AKT2: variants seen among roughly 807,000 people sequenced by gnomAD.
AKT2 encodes the protein RAC-beta serine/threonine-protein kinase.
A neutral mutation model predicts 58.6 loss-of-function variants in AKT2; 16 were observed. That is an observed-to-expected ratio of 0.27 (90% CI 0.18 to 0.41). AKT2 has a LOEUF of 0.41. Among genes scored for constraint, AKT2 ranks in the 10% least tolerant of loss-of-function variants. The pLI, the probability that AKT2 is intolerant of heterozygous loss-of-function variation, is 1.00. For missense variants in AKT2, 438 were observed against 661.0 expected (o/e 0.66, Z 3.70); for synonymous variants, 253 against 254.0 (o/e 1.00, Z 0.04).
chr19:40,235,783 A>G lies in AKT2; in HGVS notation c.1175+107T>C, dbSNP rs894158063. On this transcript the variant is annotated intron_variant, in intron 11 of 13. Transcript: ENST00000392038. This position sits in a 1 kb window ranked among gnomAD's most constrained non-coding sequence, Gnocchi z 6.3. Reference sequence around the variant, plus strand: ...TTCAGGGGCTGTGTGGGGACGACACACTGCGACCCTACAAGCGAGCACCCT... The same window carrying G: ...TTCAGGGGCTGTGTGGGGACGACACGCTGCGACCCTACAAGCGAGCACCCT... The G allele has an allele frequency of 2.1e-5, 25 of 1,195,510 alleles. No individual in the cohort carries two copies. Among genetic ancestry groups the G allele is most frequent in the Admixed American group, 1.2e-4 (5 of 41,764 alleles). The allele number at this position is 1,195,510 out of a possible 1,614,324, so 74.1% of individuals were successfully genotyped here.
chr19:40,233,145 G>T lies in AKT2; in HGVS notation c.*727C>A. ...AAGGCACGGGGCTGGGAGGCAGGCA[G>T]GTTTGGCCCCAAATGTTCCTCCTGC... On this transcript the variant is annotated 3_prime_UTR_variant, in exon 14 of 14. Transcript: ENST00000392038. The surrounding 1 kb of genome is among the most constrained non-coding windows in gnomAD (Gnocchi z 4.3). 1 of 237,890 alleles carries T rather than the reference G, an allele frequency of 4.2e-6. No homozygotes were observed. The highest frequency in any genetic ancestry group is 8.2e-6 in the Non-Finnish European group (1 of 121,242). 14.7% of individuals were successfully genotyped at this position (237,890 alleles called of 1,614,324 possible).
intron 6 of AKT2, 151 bp from the exon 7 acceptor site, chr19:40,240,261 C>A: frequency 3.4e-6 from 3 of 886,904 alleles, no homozygotes; most frequent in Non-Finnish European, 5.8e-6. Context: ...AGCCTGCAAA[C>A]CCTCAGCAAA....
At chr19:40,275,776 G>GT (rs1185663328) in intron 1 of AKT2, among the ~76,000 whole-genome samples, 1 of 93,838 alleles carries the variant, frequency 1.1e-5, no homozygotes, top group Non-Finnish European at 2.3e-5. Context: ...GGGGGGGGGG[G>GT]GGTGGGCGGG....
Position 40,242,862 on chromosome 19 carries a change from T to G in AKT2, c.288-175A>C. 1 of 698,674 alleles carries G rather than the reference T, an allele frequency of 1.4e-6. No homozygotes were observed. Among genetic ancestry groups the G allele is most frequent in the Non-Finnish European group, 2.4e-6 (1 of 410,300 alleles). The allele number at this position is 698,674 out of a possible 1,614,324, so 43.3% of individuals were successfully genotyped here. On this transcript the variant is annotated intron_variant, in intron 4 of 13. Coordinates refer to ENST00000392038, the MANE Select transcript of AKT2 (RefSeq NM_001626.6). The surrounding 1 kb of genome is among the most constrained non-coding windows in gnomAD (Gnocchi z 4.3). The stretch of plus-strand genomic sequence containing the variant: ...GAGAGCTGAAGGGACCTGAGTGAAA[T>G]TCCACGCCAGGCGCAGTGGCTCATG...
chr19:40,244,621 A>G (rs1974632474), intron 4 of AKT2, among the ~76,000 whole-genome samples: 1 of 152,202 alleles, frequency 6.6e-6, no homozygotes, highest in Non-Finnish European at 1.5e-5. Context: ...TCTAGAAAAT[A>G]CTCATATGAC....
chr19:40,242,836 A>G lies in AKT2; in HGVS notation c.288-149T>C, dbSNP rs68132960. 6,414 of 845,026 alleles carry G rather than the reference A, an allele frequency of 7.6e-3. 208 individuals are homozygous for G. The African/African-American group carries it at 0.079, about 10-fold the overall frequency. 52.3% of individuals were successfully genotyped at this position (845,026 alleles called of 1,614,324 possible). ...TTTGGGCAAGATCTGTCAGAACCAG[A>G]GAGAGCTGAAGGGACCTGAGTGAAA... On this transcript the variant is annotated intron_variant, in intron 4 of 13. Transcript: ENST00000392038. The surrounding 1 kb of genome is among the most constrained non-coding windows in gnomAD (Gnocchi z 4.3).
At chr19:40,275,282 C>G (rs1455669670) in intron 1 of AKT2, 1 of 456,664 alleles carries the variant, frequency 2.2e-6, no homozygotes, top group Admixed American at 2.3e-5. Context: ...CACGCATGCA[C>G]GGGAGCCCTC....
rs1198161007 is a variant in AKT2, at chr19:40,234,818, T to C, written c.1366+227A>G. The C allele has an allele frequency of 6.3e-6, 4 of 638,288 alleles. No homozygotes were observed. Among genetic ancestry groups the C allele is most frequent in the Non-Finnish European group, 1.1e-5 (4 of 354,538 alleles). The allele number at this position is 638,288 out of a possible 1,614,324, so 39.5% of individuals were successfully genotyped here. A position where few individuals can be genotyped will look rare whatever the true frequency, so the allele number is the denominator to read the frequency against. ...TCAGGGACCGGGCTGCCTCCTGCCCTGAGCCCCCCGACTGAGCTCCAGAAC... is the reference window on the plus strand; with the variant it reads ...TCAGGGACCGGGCTGCCTCCTGCCCCGAGCCCCCCGACTGAGCTCCAGAAC... On this transcript the variant is annotated intron_variant, in intron 13 of 13. Transcript: ENST00000392038. The surrounding 1 kb of genome is among the most constrained non-coding windows in gnomAD (Gnocchi z 4.7).
rs372350139 is a variant in AKT2, at chr19:40,235,401, G to A, written c.1176-51C>T. The A allele has an allele frequency of 3.7e-5, 58 of 1,578,486 alleles. No homozygotes were observed. The highest frequency in any genetic ancestry group is 4.7e-5 in the Non-Finnish European group (54 of 1,150,444). ...TGCCTCCCGGAGCAGCTGGGTTCGGGCAGACGGGCTTTCGGAGCAGGCAGG... is the reference window on the plus strand; with the variant it reads ...TGCCTCCCGGAGCAGCTGGGTTCGGACAGACGGGCTTTCGGAGCAGGCAGG... On this transcript the variant is annotated intron_variant, in intron 11 of 13. Coordinates refer to ENST00000392038, the MANE Select transcript of AKT2 (RefSeq NM_001626.6). The surrounding 1 kb of genome is among the most constrained non-coding windows in gnomAD (Gnocchi z 6.3).
intron 7 of AKT2, chr19:40,239,245 G>T: frequency 2.4e-6 from 1 of 419,040 alleles, no homozygotes; most frequent in East Asian, 3.9e-5. Flanking sequence ...GAGCTGTTCT[G>T]AGCAACCATG....
intron 1 of AKT2, among the ~76,000 whole-genome samples, chr19:40,265,834 T>G (rs780842674): frequency 3.9e-5 from 6 of 152,116 alleles, no homozygotes; most frequent in Non-Finnish European, 5.9e-5. Flanking sequence ...CCCCTCTCCC[T>G]TCTTTCCAAA....
Position 40,275,298 on chromosome 19 carries a change from G to A in AKT2, c.-85+9883C>T, listed in dbSNP as rs142011793. On this transcript the variant is annotated intron_variant, in intron 1 of 13. Coordinates refer to ENST00000392038, the MANE Select transcript of AKT2 (RefSeq NM_001626.6). Reference sequence around the variant, plus strand: ...ACGCATGCACGGGAGCCCTCCAGTTGGACTGCATGGGGAATCCCTGACCCA... The same window carrying A: ...ACGCATGCACGGGAGCCCTCCAGTTAGACTGCATGGGGAATCCCTGACCCA... The A allele has an allele frequency of 2.9e-3, 1,310 of 456,656 alleles. 2 individuals are homozygous for A. Among genetic ancestry groups the A allele is most frequent in the Non-Finnish European group, 4.1e-3 (920 of 226,926 alleles). 28.3% of individuals were successfully genotyped at this position (456,656 alleles called of 1,614,324 possible).
Position 40,232,107 on chromosome 19 carries a change from A to C in AKT2, c.*1765T>G, listed in dbSNP as rs563443135. On this transcript the variant is annotated 3_prime_UTR_variant, in exon 14 of 14. Coordinates refer to ENST00000392038, the MANE Select transcript of AKT2 (RefSeq NM_001626.6). ...AGTGGTCTCTGTCCACCCCACCCCCACATGCGGGGAGCCTTCCCATACCCC... is the reference window on the plus strand; with the variant it reads ...AGTGGTCTCTGTCCACCCCACCCCCCCATGCGGGGAGCCTTCCCATACCCC... The C allele has an allele frequency of 8.6e-6, 2 of 232,716 alleles. No individual in the cohort carries two copies. The highest frequency in any genetic ancestry group is 4.4e-5 in the African/African-American group (2 of 44,990). The allele number at this position is 232,716 out of a possible 1,614,324, so 14.4% of individuals were successfully genotyped here.
In AKT2 at chr19:40,238,439, A is replaced by T. The variant is rs17846842; in HGVS notation, c.709-348T>A. On this transcript the variant is annotated intron_variant, in intron 8 of 13. Coordinates refer to ENST00000392038, the MANE Select transcript of AKT2 (RefSeq NM_001626.6). This position sits in a 1 kb window ranked among gnomAD's most constrained non-coding sequence, Gnocchi z 5.1. The stretch of plus-strand genomic sequence containing the variant: ...CAGATGAGCAAACCACGCATCCCAA[A>T]GCAGGTGTGCCAACCACTGCACAGA... Among the ~76,000 whole-genome samples the T allele has an allele frequency of 0.12, 18,217 of 152,224 alleles. 1,564 individuals are homozygous for T. The highest frequency in any genetic ancestry group is 0.24 in the African/African-American group (9,932 of 41,504).
intron 6 of AKT2, chr19:40,240,373 C>T (rs1974317955): frequency 1.5e-6 from 1 of 672,884 alleles, no homozygotes; most frequent in African/African-American, 1.8e-5. Flanking sequence ...GACAAGACAC[C>T]TGTGACGTCC....
rs75162375 is a variant in AKT2, at chr19:40,250,114, T to C, written c.287+5044A>G. The stretch of plus-strand genomic sequence containing the variant: ...TGCTTCTGGAGAGGTCGCTGGATCA[T>C]ACAGGACTCTGCAGGACACAGCACG... On this transcript the variant is annotated intron_variant, in intron 4 of 13. Transcript: ENST00000392038. Among the ~76,000 whole-genome samples, 1,427 of 152,256 alleles carry C rather than the reference T, an allele frequency of 9.4e-3. 7 individuals are homozygous for C. Among genetic ancestry groups the C allele is most frequent in the Non-Finnish European group, 0.016 (1,120 of 68,014 alleles).
At position 40,235,538 on chromosome 19, in the gene AKT2, A is replaced by C; in HGVS notation, c.1176-188T>G. On this transcript the variant is annotated intron_variant, in intron 11 of 13. Coordinates refer to ENST00000392038, the MANE Select transcript of AKT2 (RefSeq NM_001626.6). The surrounding 1 kb of genome is among the most constrained non-coding windows in gnomAD (Gnocchi z 6.3). ...CCAGGGTCAGAGCCAGGGAGTCAGC[A>C]ACCCGGACCCACGTGTCCTCACTGC... 1 of 675,360 alleles carries C rather than the reference A, an allele frequency of 1.5e-6. No homozygotes were observed. The highest frequency in any genetic ancestry group is 2.6e-6 in the Non-Finnish European group (1 of 378,528). 41.8% of individuals were successfully genotyped at this position (675,360 alleles called of 1,614,324 possible). A position where few individuals can be genotyped will look rare whatever the true frequency, so the allele number is the denominator to read the frequency against.
At chr19:40,252,139 C>T (rs1264553304) in intron 4 of AKT2, among the ~76,000 whole-genome samples, 1 of 152,168 alleles carries the variant, frequency 6.6e-6, no homozygotes, top group Admixed American at 6.5e-5. Context: ...CCCTGCCTCC[C>T]TCCCCAGGCT....
rs1973651739 is a variant in AKT2, at chr19:40,230,548, AACTGGAAAAGATT to A, written c.*3311_*3323del. 8.8e-6 allele frequency: 2 copies of A among 227,050 alleles called. No homozygotes were observed. Among genetic ancestry groups the A allele is most frequent in the Non-Finnish European group, 1.7e-5 (2 of 114,290 alleles). The allele number at this position is 227,050 out of a possible 1,614,324, so 14.1% of individuals were successfully genotyped here. On this transcript the variant is annotated 3_prime_UTR_variant, in exon 14 of 14. Transcript: ENST00000392038. Reference sequence around the variant, plus strand: ...GGGCAGCCCCCAGAGGCTTCACATTAACTGGAAAAGATTACACAAAAAGAGCAGGAAACTACCA... The same window carrying A: ...GGGCAGCCCCCAGAGGCTTCACATTAACACAAAAAGAGCAGGAAACTACCA...
Sources: gnomAD v4.1 joint callset for allele counts (sites outside exome capture counted in the v4.1 genomes callset) on GRCh38, gnomAD v4.1.1 for gene constraint, Gnocchi (gnomAD v3.1) non-coding constraint, MANE v1.5 for transcripts, NCBI Gene and HGNC (gene_info 2026-07-23, HGNC 2026-07-21) for gene names.